Variants in DLGAP2 observed in about 807,000 individuals in gnomAD.
The protein encoded by DLGAP2 is disks large-associated protein 2.
Under a neutral mutation model 100.3 loss-of-function variants are expected in DLGAP2, and 26 were observed. The ratio of observed to expected loss-of-function variants is 0.26; its 90% CI spans 0.19 to 0.36. The LOEUF is 0.36. Ranked by LOEUF, DLGAP2 falls within the 10% of genes least tolerant of loss-of-function variation. The pLI is 1.00. For missense variants in DLGAP2, 1,858 were observed against 1,453.2 expected (o/e 1.28, Z -4.53); for synonymous variants, 886 against 630.1 (o/e 1.41, Z -6.08).
intron 4 of DLGAP2, among the ~76,000 whole-genome samples, chr8:1,546,611 G>C (rs3812482): frequency 0.064 from 9,684 of 152,202 alleles, 421 homozygotes; most frequent in Non-Finnish European, 0.094. Flanking sequence ...TTTTTGCCTT[G>C]GTTACCTGGA....
chr8:1,368,323 G>A (rs924121313), intron 3 of DLGAP2, among the ~76,000 whole-genome samples: 4 of 151,724 alleles, frequency 2.6e-5, no homozygotes, highest in Admixed American at 2.6e-4. Flanking sequence ...AGCTGTGTGT[G>A]TGCATGCATG....
chr8:961,509 C>G (rs942623813), intron 2 of DLGAP2, among the ~76,000 whole-genome samples: 1 of 152,156 alleles, frequency 6.6e-6, no homozygotes, highest in Non-Finnish European at 1.5e-5. Context: ...GACACCAGTT[C>G]TGTTTCTAAG....
chr8:785,422 G>C (rs923953157), intron 1 of DLGAP2, among the ~76,000 whole-genome samples: 1 of 150,878 alleles, frequency 6.6e-6, no homozygotes, highest in Non-Finnish European at 1.5e-5. Context: ...GTCTCTCTGA[G>C]ACCGGCTTCT....
intron 2 of DLGAP2, among the ~76,000 whole-genome samples, chr8:1,098,876 C>T (rs1037790762): frequency 6.6e-6 from 1 of 152,150 alleles, no homozygotes; most frequent in African/African-American, 2.4e-5. Flanking sequence ...GCCCTTCGTC[C>T]TCACTTGCTT....
chr8:779,930 A>G (rs1821642061), intron 1 of DLGAP2, among the ~76,000 whole-genome samples: 1 of 152,212 alleles, frequency 6.6e-6, no homozygotes, highest in African/African-American at 2.4e-5. Context: ...GTTTTGATCT[A>G]TGTATACACT....
intron 10 of DLGAP2, 137 bp downstream of exon 10, chr8:1,669,921 T>C (rs11136419): frequency 0.17 from 117,242 of 689,050 alleles, 15,075 homozygotes; most frequent in African/African-American, 0.44. Context: ...TGCTCCCATC[T>C]GTCCCCCTTA....
intron 2 of DLGAP2, among the ~76,000 whole-genome samples, chr8:993,655 G>A (rs80001994): frequency 9.1e-4 from 139 of 152,224 alleles, no homozygotes; most frequent in Non-Finnish European, 1.6e-3. Flanking sequence ...CTTCATGGGC[G>A]ATTCTGCCAT....
rs1017335824 is a variant in DLGAP2 at position 1,437,147 on chromosome 8, C to T, written c.107-64219C>T. On this transcript the variant is annotated intron_variant, in intron 3 of 14. Transcript: ENST00000637795. ...CGCGTAAGGGTGACGCCATCCGGGT[C>T]TGCGTTCAGCGCAGGCGCGTAAGGG... Among the ~76,000 whole-genome samples the T allele has an allele frequency of 5.4e-5, 8 of 149,284 alleles. 1 individual carries two copies. The highest frequency in any genetic ancestry group is 9.9e-5 in the African/African-American group (4 of 40,452).
At chr8:1,073,774 G>A (rs1264712692) in intron 2 of DLGAP2, among the ~76,000 whole-genome samples, 4 of 152,208 alleles carry the variant, frequency 2.6e-5, no homozygotes, top group Admixed American at 6.5e-5. Flanking sequence ...GAGAACTGCC[G>A]TTCCTTCCCA....
At chr8:1,136,104 G>T (rs1354793584) in intron 2 of DLGAP2, among the ~76,000 whole-genome samples, 1 of 152,096 alleles carries the variant, frequency 6.6e-6, no homozygotes, top group African/African-American at 2.4e-5. Flanking sequence ...GATTCCCCTT[G>T]CCTTCCTCTT....
intron 3 of DLGAP2, among the ~76,000 whole-genome samples, chr8:1,284,292 A>ATGAT (rs1799878881): frequency 6.6e-6 from 1 of 152,130 alleles, no homozygotes; most frequent in Middle Eastern, 3.2e-3. Flanking sequence ...TGTGCTGAAG[A>ATGAT]TGATGGAAGG....
At chr8:876,874 A>G (rs1797695264) in intron 1 of DLGAP2, among the ~76,000 whole-genome samples, 1 of 151,636 alleles carries the variant, frequency 6.6e-6, no homozygotes, top group Non-Finnish European at 1.5e-5. Context: ...TCTGTTTTGC[A>G]GTTTGCTTAT....
chr8:1,677,690 ATG>A (rs1798842300), intron 11 of DLGAP2, among the ~76,000 whole-genome samples: 1 of 152,228 alleles, frequency 6.6e-6, no homozygotes, highest in South Asian at 2.1e-4. Flanking sequence ...GACAGTGAAA[ATG>A]ATTTTCCAAC....
chr8:1,419,795 C>T (rs1227585153), intron 3 of DLGAP2, among the ~76,000 whole-genome samples: 1 of 152,116 alleles, frequency 6.6e-6, no homozygotes, highest in Non-Finnish European at 1.5e-5. Flanking sequence ...AGGAAAACAG[C>T]ATGGAGGTTC....
chr8:863,378 G>T (rs1427260887), intron 1 of DLGAP2, among the ~76,000 whole-genome samples: 2 of 152,268 alleles, frequency 1.3e-5, no homozygotes, highest in African/African-American at 4.8e-5. Flanking sequence ...AATATTTAAG[G>T]TTAGCTGTCC....
At chr8:1,602,255 TATTTCTA>T (rs769480108) in intron 6 of DLGAP2, among the ~76,000 whole-genome samples, 17 of 152,326 alleles carry the variant, frequency 1.1e-4, no homozygotes, top group Non-Finnish European at 1.9e-4. Context: ...ATAATGTTGT[TATTTCTA>T]ATTAATGACA....
chr8:1,523,950 A>C (rs1800703649), intron 4 of DLGAP2, among the ~76,000 whole-genome samples: 1 of 152,180 alleles, frequency 6.6e-6, no homozygotes, highest in Admixed American at 6.5e-5. Flanking sequence ...TGGGGAAAAC[A>C]AACATCTGAG....
intron 6 of DLGAP2, among the ~76,000 whole-genome samples, chr8:1,602,083 G>C (rs1275955520): frequency 6.6e-6 from 1 of 151,962 alleles, no homozygotes; most frequent in Non-Finnish European, 1.5e-5. Flanking sequence ...AAGCTGCATT[G>C]AAGCACTCAG....
Position 930,374 on chromosome 8 carries a change from G to T in DLGAP2, c.73+22408G>T, listed in dbSNP as rs188434890. Among the ~76,000 whole-genome samples, 36 of 152,180 alleles carry T rather than the reference G, an allele frequency of 2.4e-4. No homozygotes were observed. The East Asian group carries it at 5.6e-3, about 24-fold the overall frequency. Reference sequence around the variant, plus strand: ...GGGAAATTATTGTGTCCTACAGAGAGACAGTAACATGAACGAAGAGTTCCT... The same window carrying T: ...GGGAAATTATTGTGTCCTACAGAGATACAGTAACATGAACGAAGAGTTCCT... On this transcript the variant is annotated intron_variant, in intron 2 of 14. Transcript: ENST00000637795.
Sources: gnomAD v4.1 joint callset for allele counts (sites outside exome capture counted in the v4.1 genomes callset) on GRCh38, gnomAD v4.1.1 for gene constraint, MANE v1.5 for transcripts, NCBI Gene and HGNC (gene_info 2026-07-23, HGNC 2026-07-21) for gene names.